Variants in KTN1 observed in about 807,000 individuals in gnomAD.
KTN1 encodes the protein kinectin 1, also known as kinectin.
In KTN1, 130 loss-of-function variants were observed where a neutral mutation model predicts 222.5. The ratio of observed to expected loss-of-function variants is 0.58; its 90% CI spans 0.51 to 0.68. The LOEUF (loss-of-function observed/expected upper bound fraction) is 0.68. Among genes scored for constraint, KTN1 ranks in the 30% least tolerant of loss-of-function variants. The pLI, the probability that KTN1 is intolerant of heterozygous loss-of-function variation, is 0.00. For synonymous variants in KTN1, 512 were observed against 496.3 expected (o/e 1.03, Z -0.42); for missense variants, 1,508 against 1,500.4 (o/e 1.01, Z -0.08).
chr14:55,625,452 T>G (rs931532277), intron 5 of KTN1, among the ~76,000 whole-genome samples: 1 of 152,222 alleles, frequency 6.6e-6, no homozygotes, highest in African/African-American at 2.4e-5. Context: ...ATTTTTTTCC[T>G]AGCTTCTTTC....
At chr14:55,600,784 T>C (rs1416845088) in intron 1 of KTN1, among the ~76,000 whole-genome samples, 6 of 152,226 alleles carry the variant, frequency 3.9e-5, no homozygotes, top group African/African-American at 1.4e-4. Context: ...AAAACTGATT[T>C]TATGTGATTT....
rs1407030773 is a variant in KTN1, at chr14:55,633,241, C to G, written c.1228C>G (p.Gln410Glu). Residue 410 changes from glutamine (Q) to glutamate (E), a missense_variant, in exon 8 of 44, where the codon CAA becomes GAA. Gln to Glu is a conservative substitution (Grantham distance 29). Transcript: ENST00000395314. ...ETQQMQMKFQ[Q>E]VREQMEAEIA... ...GTGTGTAAAATAATTTTAGTTTCAG[C>G]AAGTTCGTGAGCAGATGGAGGCAGA... is the stretch of plus-strand genomic sequence containing the variant. The G allele has an allele frequency of 8.3e-6, 13 of 1,567,264 alleles. No homozygotes were observed. Among genetic ancestry groups the G allele is most frequent in the Non-Finnish European group, 1.1e-5 (13 of 1,157,148 alleles).
intron 2 of KTN1, among the ~76,000 whole-genome samples, chr14:55,615,793 C>A (rs2038268192): frequency 6.6e-6 from 1 of 150,746 alleles, no homozygotes; most frequent in Non-Finnish European, 1.5e-5. Context: ...CTCTTCCTTC[C>A]CTTCCCTTCC....
chr14:55,619,089 G>A, intron 4 of KTN1, 93 bp from the exon 5 acceptor site: 1 of 934,462 alleles, frequency 1.1e-6, no homozygotes, highest in Non-Finnish European at 1.6e-6. Flanking sequence ...TTGACTTTCT[G>A]GGCCGTGAAT....
Position 55,612,307 on chromosome 14 carries a change from T to G in KTN1, c.259T>G (p.Ser87Ala), listed in dbSNP as rs756620040. The change falls in exon 2 of 44, where the codon TCA becomes GCA. Residue 87 changes from serine to alanine, a missense_variant. Transcript: ENST00000395314. ...SESVPRDFKLSDALAVEDDQV... is the reference protein window; with the variant it reads ...SESVPRDFKLADALAVEDDQV... ...GAGTGTACCTCGAGACTTTAAATTA[T>G]CAGATGCTTTGGCAGTAGAAGATGA... The G allele has an allele frequency of 1.1e-5, 17 of 1,613,662 alleles. No individual in the cohort carries two copies. The highest frequency in any genetic ancestry group is 1.3e-5 in the African/African-American group (1 of 74,886).
chr14:55,655,584 A>G (rs764704878), intron 28 of KTN1, among the ~76,000 whole-genome samples: 16 of 152,162 alleles, frequency 1.1e-4, no homozygotes, highest in South Asian at 2.1e-4. Context: ...GACCAGGGCA[A>G]TTGAGATTCA....
At chr14:55,668,007 C>T (rs1295297725) in intron 34 of KTN1, 1 of 151,438 alleles carries the variant, frequency 6.6e-6, no homozygotes, top group African/African-American at 2.4e-5. Context: ...CTTATCAGTA[C>T]ATGGCACGCA....
chr14:55,659,819 A>G (rs1231685055), intron 31 of KTN1, 116 bp downstream of exon 31: 2 of 634,968 alleles, frequency 3.1e-6, no homozygotes, highest in East Asian at 2.7e-5. Context: ...TTACAGTTCT[A>G]TTTGGATATC....
chr14:55,667,243 A>G lies in KTN1; in HGVS notation c.3180A>G (p.Glu1060=), dbSNP rs1340346450. The change falls in exon 34 of 44, where the codon GAA becomes GAG. Residue 1060 remains glutamate, a splice_region_variant and synonymous_variant. Coordinates refer to ENST00000395314, the MANE Select transcript of KTN1 (RefSeq NM_001079521.2). ...LQDKVNKTSK[E]RQQQVEAVEL... ...ATTTGGCTCATCTTCTGCTTTAGGAAAGGCAGCAACAGGTGGAAGCTGTTG... is the reference window on the plus strand; with the variant it reads ...ATTTGGCTCATCTTCTGCTTTAGGAGAGGCAGCAACAGGTGGAAGCTGTTG... 1.3e-6 allele frequency: 2 copies of G among 1,589,274 alleles called. No homozygotes were observed.
chr14:55,603,684 T>C (rs2140491961), intron 1 of KTN1, among the ~76,000 whole-genome samples: 1 of 152,378 alleles, frequency 6.6e-6, no homozygotes, highest in East Asian at 1.9e-4. Context: ...GTCCATTTGC[T>C]GAATACTTCC....
intron 43 of KTN1, chr14:55,680,786 A>C: frequency 1.0e-6 from 1 of 991,270 alleles, no homozygotes; most frequent in Non-Finnish European, 1.5e-6. Flanking sequence ...AGCCCAGCTC[A>C]TTCTTCAACA....
At chr14:55,600,107 T>C (rs2035743671) in intron 1 of KTN1, among the ~76,000 whole-genome samples, 1 of 150,304 alleles carries the variant, frequency 6.7e-6, no homozygotes, top group East Asian at 2.0e-4. Context: ...ATGTTTTAGG[T>C]ATTATGTCTC....
intron 1 of KTN1, among the ~76,000 whole-genome samples, chr14:55,589,490 A>T (rs1401635806): frequency 6.6e-6 from 1 of 151,816 alleles, no homozygotes; most frequent in Non-Finnish European, 1.5e-5. Flanking sequence ...TTGTATTTTT[A>T]GTAGAGATGG....
chr14:55,628,039 T>G lies in KTN1; in HGVS notation c.1080+11T>G, dbSNP rs758767594. 1.3e-6 allele frequency: 2 copies of G among 1,516,686 alleles called. No individual in the cohort carries two copies. The highest frequency in any genetic ancestry group is 1.1e-5 in the South Asian group (1 of 88,826). 94.0% of individuals were successfully genotyped at this position (1,516,686 alleles called of 1,614,324 possible). A position where few individuals can be genotyped will look rare whatever the true frequency, so the allele number is the denominator to read the frequency against. ...AAGCAGTTAACCCAGGTGAAGACAT[T>G]CTTATGTACGAGGGATATACTTCCC... On this transcript the variant is annotated intron_variant, in intron 6 of 43. Coordinates refer to ENST00000395314, the MANE Select transcript of KTN1 (RefSeq NM_001079521.2).
chr14:55,627,093 C>T (rs1271888057), intron 5 of KTN1, among the ~76,000 whole-genome samples: 1 of 152,110 alleles, frequency 6.6e-6, no homozygotes, highest in Admixed American at 6.5e-5. Context: ...ATTTGGTGGT[C>T]TTTCCTTATA....
intron 40 of KTN1, chr14:55,674,893 AT>A (rs1326718014): frequency 2.6e-5 from 4 of 152,168 alleles, no homozygotes; most frequent in Admixed American, 2.6e-4. Flanking sequence ...TGCTTTGTGT[AT>A]TCTTGGGCCA....
chr14:55,652,808 A>T, intron 25 of KTN1, 42 bp from the exon 26 acceptor site: 1 of 1,411,386 alleles, frequency 7.1e-7, no homozygotes, highest in Non-Finnish European at 9.8e-7. Context: ...TTTTATGGTC[A>T]TGTAACATTT....
chr14:55,596,718 T>A (rs1401947083), intron 1 of KTN1, among the ~76,000 whole-genome samples: 1 of 152,200 alleles, frequency 6.6e-6, no homozygotes, highest in Non-Finnish European at 1.5e-5. Flanking sequence ...GTTAGCTCCC[T>A]AAGGTTCTTA....
intron 1 of KTN1, chr14:55,607,594 C>G (rs2140537148): frequency 6.6e-6 from 1 of 152,282 alleles, no homozygotes. Flanking sequence ...GACTTGCTTT[C>G]CTATTGTTCC....
Sources: allele counts gnomAD v4.1 joint callset (sites outside exome capture counted in the v4.1 genomes callset), GRCh38; gene constraint gnomAD v4.1.1; transcripts MANE v1.5; gene names NCBI Gene and HGNC (gene_info 2026-07-23, HGNC 2026-07-21).